AKR1C4: variants seen among roughly 807,000 people sequenced by gnomAD.
The protein encoded by AKR1C4 is aldo-keto reductase family 1 member C4.
A neutral mutation model predicts 41.0 loss-of-function variants in AKR1C4; 44 were observed. That is an observed-to-expected ratio of 1.07 (90% CI 0.84 to 1.38). The LOEUF (loss-of-function observed/expected upper bound fraction) is 1.38, where lower values mean the gene tolerates loss of function less well. Ranked by LOEUF, AKR1C4 falls within the 40% of genes most tolerant of loss-of-function variation. The probability of loss-of-function intolerance (pLI) is 0.00; values close to 1 mark genes in which losing one functional copy is unlikely to be tolerated. For missense variants in AKR1C4, 438 were observed against 387.9 expected, an observed-to-expected ratio of 1.13 and a Z score of -1.09; for synonymous variants, 165 against 137.7, an observed-to-expected ratio of 1.20 and a Z score of -1.39.
At chr10:5,199,646 C>T (rs1482128823) in intron 1 of AKR1C4, among the ~76,000 whole-genome samples, 4 of 152,096 alleles carry the variant, frequency 2.6e-5, no homozygotes, top group Non-Finnish European at 5.9e-5. Context: ...AGCAGAATGA[C>T]GCTGAGTTTG....
intron 7 of AKR1C4, among the ~76,000 whole-genome samples, chr10:5,214,018 T>C (rs1343926340): frequency 8.3e-6 from 1 of 119,966 alleles, no homozygotes; most frequent in Non-Finnish European, 2.0e-5. Flanking sequence ...AATATGTTAA[T>C]ATATTATATA....
At chr10:5,205,295 T>A (rs542779073) in intron 3 of AKR1C4, among the ~76,000 whole-genome samples, 2 of 152,308 alleles carry the variant, frequency 1.3e-5, no homozygotes, top group African/African-American at 4.8e-5. Context: ...GTCTTACAAC[T>A]TTCAAATTAA....
chr10:5,202,872 T>A (rs1327669465), intron 2 of AKR1C4, among the ~76,000 whole-genome samples: 1 of 151,962 alleles, frequency 6.6e-6, no homozygotes, highest in Non-Finnish European at 1.5e-5. Flanking sequence ...ATGGATTTGG[T>A]TAGCTAGTAT....
At chr10:5,201,293 A>G (rs1832398189) in intron 2 of AKR1C4, among the ~76,000 whole-genome samples, 1 of 152,138 alleles carries the variant, frequency 6.6e-6, no homozygotes, top group Non-Finnish European at 1.5e-5. Flanking sequence ...CTTTTTAATT[A>G]TAACCATTCT....
intron 2 of AKR1C4, 73 bp downstream of exon 2, chr10:5,200,421 G>A (rs1832382707): frequency 6.6e-7 from 1 of 1,517,988 alleles, no homozygotes; most frequent in African/African-American, 1.4e-5. Context: ...TTCTGTAACT[G>A]GTTCAGTAGT....
intron 1 of AKR1C4, among the ~76,000 whole-genome samples, chr10:5,198,681 C>T (rs891780028): frequency 6.6e-6 from 1 of 152,082 alleles, no homozygotes; most frequent in Non-Finnish European, 1.5e-5. Flanking sequence ...CTTCCATGTG[C>T]CTTTTTCCAT....
Position 5,206,347 on chromosome 10 carries a change from G to A in AKR1C4, c.520G>A (p.Glu174Lys). 1.2e-6 allele frequency: 2 copies of A among 1,614,034 alleles called. No homozygotes were observed. The highest frequency in any genetic ancestry group is 1.1e-5 in the South Asian group (1 of 91,080). Residue 174 changes from glutamate to lysine, a missense_variant, in exon 5 of 9, where the codon GAG becomes AAG. By Grantham distance (56) the Glu-to-Lys change is moderately conservative (BLOSUM62 1). Transcript: ENST00000263126. ...GVSNFNCRQL[E>K]MILNKPGLKY... ...GTCAAACTTCAACTGCAGGCAGCTGGAGATGATCCTCAACAAGCCAGGACT... is the reference window on the plus strand; with the variant it reads ...GTCAAACTTCAACTGCAGGCAGCTGAAGATGATCCTCAACAAGCCAGGACT...
intron 5 of AKR1C4, 74 bp from the exon 6 acceptor site, chr10:5,212,542 C>A: frequency 2.3e-6 from 3 of 1,292,548 alleles, no homozygotes; most frequent in African/African-American, 1.5e-5. Context: ...ATACTTTATT[C>A]AGCTTATTTT....
In AKR1C4 at chr10:5,204,688, A is replaced by G. The variant is rs1554797293; in HGVS notation, c.369+195A>G. On this transcript the variant is annotated intron_variant, in intron 3 of 8. Transcript: ENST00000263126. ...GTATGATGACAAGAGAAGACAGTAC[A>G]TCAACCTCAAAGCCTCTGATTCAAA... The G allele has an allele frequency of 6.8e-6, 5 of 735,996 alleles. No homozygotes were observed. The South Asian group carries it at 7.0e-5, about 10-fold the overall frequency. 45.6% of individuals were successfully genotyped at this position (735,996 alleles called of 1,614,324 possible). A position where few individuals can be genotyped will look rare whatever the true frequency, so the allele number is the denominator to read the frequency against.
chr10:5,211,099 C>T (rs1283319526), intron 5 of AKR1C4, among the ~76,000 whole-genome samples: 1 of 152,192 alleles, frequency 6.6e-6, no homozygotes, highest in Non-Finnish European at 1.5e-5. Context: ...ACCCTGGGCC[C>T]AGCCCATGAA....
Position 5,216,785 on chromosome 10 carries a change from C to A in AKR1C4, c.921C>A (p.Val307=). 2 of 1,606,466 alleles carry A rather than the reference C, an allele frequency of 1.2e-6. No individual in the cohort carries two copies. The highest frequency in any genetic ancestry group is 2.2e-5 in the South Asian group (2 of 89,840). ...DGLNRNYRYV[V]MDFLMDHPDY... ...TAAACAGAAATTATCGATATGTTGT[C>A]ATGGATTTGTAAGTAACTTTGGAAA... The change falls in exon 8 of 9, where the codon GTC becomes GTA. Residue 307 remains valine, a synonymous_variant. Transcript: ENST00000263126.
At chr10:5,199,222 A>G (rs1365291783) in intron 1 of AKR1C4, among the ~76,000 whole-genome samples, 1 of 152,108 alleles carries the variant, frequency 6.6e-6, no homozygotes, top group Non-Finnish European at 1.5e-5. Context: ...CACATATAGA[A>G]CCAACCCAAG....
Position 5,212,567 on chromosome 10 carries a change from CA to C in AKR1C4, c.571-48del, listed in dbSNP as rs782263481. ...CAGCTTATTTTAATCTTTATATTAACATATCTGTTTTGAATTATCTGATGCT... is the reference window on the plus strand; with the variant it reads ...CAGCTTATTTTAATCTTTATATTAACTATCTGTTTTGAATTATCTGATGCT... On this transcript the variant is annotated intron_variant, in intron 5 of 8. Coordinates refer to ENST00000263126, the MANE Select transcript of AKR1C4 (RefSeq NM_001818.5). 14 of 1,469,132 alleles carry C rather than the reference CA, an allele frequency of 9.5e-6. No individual in the cohort carries two copies. In the East Asian group the frequency reaches 3.2e-4, roughly 34 times the overall value. The allele number at this position is 1,469,132 out of a possible 1,614,324, so 91.0% of individuals were successfully genotyped here.
chr10:5,213,115 C>T lies in AKR1C4; in HGVS notation c.802C>T (p.Leu268=), dbSNP rs1554798125. Residue 268 remains leucine, a synonymous_variant, in exon 7 of 9, where the codon CTG becomes TTG. Transcript: ENST00000263126. Reference sequence around the variant, plus strand: ...CCAGCTGCAGCGTGGGGTTGTGGTCCTGGCCAAGAGCTACAATGAGCAGCG... The same window carrying T: ...CCAGCTGCAGCGTGGGGTTGTGGTCTTGGCCAAGAGCTACAATGAGCAGCG... The part of the protein sequence containing the change: ...RYQLQRGVVV[L]AKSYNEQRIR... The T allele has an allele frequency of 2.5e-6, 4 of 1,614,136 alleles. No individual in the cohort carries two copies. The highest frequency in any genetic ancestry group is 3.4e-6 in the Non-Finnish European group (4 of 1,180,036).
chr10:5,200,459 A>G (rs1832383175), intron 2 of AKR1C4, 111 bp downstream of exon 2: 2 of 1,479,648 alleles, frequency 1.4e-6, no homozygotes. Flanking sequence ...TATTAGTTCC[A>G]ATTTATTCAC....
intron 2 of AKR1C4, among the ~76,000 whole-genome samples, chr10:5,200,908 C>T (rs1335345238): frequency 2.6e-5 from 4 of 152,114 alleles, no homozygotes; most frequent in Non-Finnish European, 4.4e-5. Flanking sequence ...TGGCCTCAAG[C>T]TCCAAGTTCC....
At chr10:5,204,825 A>C (rs560088139) in intron 3 of AKR1C4, among the ~76,000 whole-genome samples, 2 of 152,266 alleles carry the variant, frequency 1.3e-5, no homozygotes, top group South Asian at 4.1e-4. Flanking sequence ...GTGGTACCCC[A>C]AAAAAACTGC....
At chr10:5,217,054 G>A (rs1832667231) in intron 8 of AKR1C4, among the ~76,000 whole-genome samples, 1 of 152,234 alleles carries the variant, frequency 6.6e-6, no homozygotes, top group Admixed American at 6.5e-5. Flanking sequence ...CAATATTATT[G>A]CTAAATCTGC....
In AKR1C4 at chr10:5,198,584, T is replaced by C. The variant is rs1832349369; in HGVS notation, c.85-1597T>C. 1.3e-5 allele frequency among the ~76,000 whole-genome samples: 2 copies of C among 152,296 alleles called. 1 individual carries two copies. Among genetic ancestry groups the C allele is most frequent in the Middle Eastern group, 6.8e-3 (2 of 294 alleles). On this transcript the variant is annotated intron_variant, in intron 1 of 8. Coordinates refer to ENST00000263126, the MANE Select transcript of AKR1C4 (RefSeq NM_001818.5). The stretch of plus-strand genomic sequence containing the variant: ...CAACATTTCCCCTATGTTGCCAAAA[T>C]GTGATGCTGGAGGAAGTCAGTGTGT...
Sources: gnomAD v4.1 joint callset for allele counts (sites outside exome capture counted in the v4.1 genomes callset) on GRCh38, gnomAD v4.1.1 for gene constraint, MANE v1.5 for transcripts, NCBI Gene and HGNC (gene_info 2026-07-23, HGNC 2026-07-21) for gene names.